Variants in KIF6 observed in about 807,000 individuals in gnomAD.
KIF6 encodes the protein kinesin family member 6.
Under a neutral mutation model 112.7 loss-of-function variants are expected in KIF6, and 106 were observed. The ratio of observed to expected loss-of-function variants is 0.94; its 90% CI spans 0.80 to 1.11. The LOEUF is 1.11. KIF6 is among the 50% of genes least tolerant of loss of function. The pLI is 0.00. For missense variants in KIF6, 929 were observed against 964.0 expected (o/e 0.96, Z 0.48); for synonymous variants, 339 against 339.9 (o/e 1.00, Z 0.03).
At chr6:39,691,515 C>T (rs1788207779) in intron 3 of KIF6, 1 of 152,072 alleles carries the variant, frequency 6.6e-6, no homozygotes, top group Non-Finnish European at 1.5e-5. Context: ...TTTTTGGCTA[C>T]ATAATTTTTT....
intron 4 of KIF6, 65 bp from the exon 5 acceptor site, chr6:39,635,023 A>T: frequency 1.2e-6 from 1 of 869,492 alleles, no homozygotes; most frequent in Non-Finnish European, 2.0e-6. Context: ...GATGAAGATG[A>T]ACACATTTAG....
chr6:39,548,242 A>C (rs1200791991), intron 10 of KIF6, among the ~76,000 whole-genome samples: 1 of 152,222 alleles, frequency 6.6e-6, no homozygotes, highest in African/African-American at 2.4e-5. Flanking sequence ...GCTCAGAAGG[A>C]AACCTCGTAA....
At chr6:39,444,890 C>T (rs1772206274) in intron 13 of KIF6, among the ~76,000 whole-genome samples, 3 of 151,520 alleles carry the variant, frequency 2.0e-5, no homozygotes, top group Admixed American at 2.0e-4. Context: ...CAAAACCCAT[C>T]AATTTGCAGT....
At chr6:39,422,284 C>T (rs1348724631) in intron 14 of KIF6, among the ~76,000 whole-genome samples, 6 of 152,138 alleles carry the variant, frequency 3.9e-5, no homozygotes, top group Admixed American at 1.3e-4. Context: ...CCAGCCTTGG[C>T]GGTGCCCAGA....
At chr6:39,537,165 A>G (rs1484960289) in intron 13 of KIF6, among the ~76,000 whole-genome samples, 16 of 152,200 alleles carry the variant, frequency 1.1e-4, no homozygotes, top group Admixed American at 1.0e-3. Flanking sequence ...CAAGACAGGG[A>G]TGCCCTCTCT....
At chr6:39,356,809 T>C (rs996053281) in intron 19 of KIF6, among the ~76,000 whole-genome samples, 1 of 152,236 alleles carries the variant, frequency 6.6e-6, no homozygotes, top group East Asian at 1.9e-4. Context: ...CATCCCATCA[T>C]GTAGGGAGAC....
intron 13 of KIF6, among the ~76,000 whole-genome samples, chr6:39,455,452 A>G (rs1225116768): frequency 2.0e-5 from 3 of 151,906 alleles, no homozygotes; most frequent in African/African-American, 7.3e-5. Context: ...AAACTCTAAA[A>G]CGCAGAGTGC....
chr6:39,534,097 C>G (rs1436775074), intron 13 of KIF6, among the ~76,000 whole-genome samples: 2 of 152,076 alleles, frequency 1.3e-5, no homozygotes, highest in Non-Finnish European at 2.9e-5. Flanking sequence ...GTAGATAAAA[C>G]CACAAAGATG....
intron 7 of KIF6, 61 bp downstream of exon 7, chr6:39,595,993 T>A: frequency 3.9e-6 from 5 of 1,286,472 alleles, no homozygotes; most frequent in Non-Finnish European, 5.6e-6. Flanking sequence ...GCCTGATACA[T>A]AGTATGTGGT....
At chr6:39,534,047 C>T (rs548374108) in intron 13 of KIF6, among the ~76,000 whole-genome samples, 1 of 152,262 alleles carries the variant, frequency 6.6e-6, no homozygotes, top group South Asian at 2.1e-4. Context: ...ACATCCACAC[C>T]AAAAACCCAT....
At chr6:39,406,905 T>G (rs1769126857) in intron 15 of KIF6, among the ~76,000 whole-genome samples, 2 of 152,152 alleles carry the variant, frequency 1.3e-5, no homozygotes, top group Admixed American at 1.3e-4. Flanking sequence ...TGTGCCACCA[T>G]GCTCAGCTAA....
chr6:39,722,409 G>A (rs1451015100), intron 1 of KIF6, among the ~76,000 whole-genome samples: 1 of 152,068 alleles, frequency 6.6e-6, no homozygotes, highest in Non-Finnish European at 1.5e-5. Context: ...AATATTATTT[G>A]AGATAGTGAA....
intron 13 of KIF6, among the ~76,000 whole-genome samples, chr6:39,518,461 T>C (rs1474110998): frequency 6.6e-6 from 1 of 152,222 alleles, no homozygotes; most frequent in Non-Finnish European, 1.5e-5. Flanking sequence ...CAGTGGATTG[T>C]AAAATACTGT....
chr6:39,662,671 T>C (rs1786226655), intron 3 of KIF6, among the ~76,000 whole-genome samples: 1 of 152,126 alleles, frequency 6.6e-6, no homozygotes, highest in African/African-American at 2.4e-5. Context: ...TACAGGAGTT[T>C]GAGAACAACC....
At chr6:39,483,757 TA>T (rs775837235) in intron 13 of KIF6, among the ~76,000 whole-genome samples, 1 of 152,084 alleles carries the variant, frequency 6.6e-6, no homozygotes, top group Non-Finnish European at 1.5e-5. Flanking sequence ...ATATCAGCCC[TA>T]AGAGAAAAGG....
Position 39,431,130 on chromosome 6 carries a change from C to T in KIF6, c.1677G>A (p.Gln559=), listed in dbSNP as rs201410117. ...GMREEMSLGC[Q]EAFEIFKRDH... is the part of the protein sequence containing the mutation. Reference sequence around the variant, plus strand: ...CCCTCTTGAAGATTTCAAAAGCCTCCTGGCATCCTAATGACATTTCCTCTC... The same window carrying T: ...CCCTCTTGAAGATTTCAAAAGCCTCTTGGCATCCTAATGACATTTCCTCTC... The change falls in exon 14 of 23, where the codon CAG becomes CAA. Residue 559 remains glutamine, a synonymous_variant. Transcript: ENST00000287152. The T allele has an allele frequency of 6.2e-5, 100 of 1,612,212 alleles. No individual in the cohort carries two copies. The Admixed American group carries it at 1.6e-3, about 26-fold the overall frequency.
chr6:39,486,571 A>G (rs1775126655), intron 13 of KIF6, among the ~76,000 whole-genome samples: 1 of 152,238 alleles, frequency 6.6e-6, no homozygotes, highest in African/African-American at 2.4e-5. Context: ...TTGTTATGCA[A>G]TTATACTGTG....
intron 13 of KIF6, among the ~76,000 whole-genome samples, chr6:39,448,426 C>T (rs1398188177): frequency 1.3e-5 from 2 of 152,198 alleles, no homozygotes; most frequent in African/African-American, 4.8e-5. Context: ...CCACCCGCCT[C>T]ATCCTCCCAA....
chr6:39,599,480 C>G (rs756500245), intron 6 of KIF6, among the ~76,000 whole-genome samples: 6 of 152,184 alleles, frequency 3.9e-5, no homozygotes, highest in Non-Finnish European at 7.3e-5. Flanking sequence ...GATGATGTAG[C>G]TAGTGAGTCA....
Sources: allele counts gnomAD v4.1 joint callset (sites outside exome capture counted in the v4.1 genomes callset), GRCh38; gene constraint gnomAD v4.1.1; transcripts MANE v1.5; gene names NCBI Gene and HGNC (gene_info 2026-07-23, HGNC 2026-07-21).